MTR: variants seen among roughly 807,000 people sequenced by gnomAD.
The protein encoded by MTR is 5-methyltetrahydrofolate-homocysteine methyltransferase.
MTR carries 84 observed loss-of-function variants against 154.8 expected under a neutral mutation model. That is an observed-to-expected ratio of 0.54 (90% CI 0.45 to 0.65). MTR has a LOEUF of 0.65. Among genes scored for constraint, MTR ranks in the 30% least tolerant of loss-of-function variants. MTR has a pLI of 0.00. For missense variants in MTR, 1,275 were observed against 1,570.2 expected (o/e 0.81, Z 3.18); for synonymous variants, 554 against 553.9 (o/e 1.00, Z 0.00).
chr1:236,896,992 G>A lies in MTR; in HGVS notation c.3599-14G>A. ...CTGAGTCCATAAGCATTTTCCCTGT[G>A]TTGCTCCCTCTAGGCATTAGGTTAA... On this transcript the variant is annotated splice_polypyrimidine_tract_variant and intron_variant, in intron 31 of 32. Coordinates refer to ENST00000366577, the MANE Select transcript of MTR (RefSeq NM_000254.3). 1.3e-6 allele frequency: 2 copies of A among 1,595,632 alleles called. No individual in the cohort carries two copies. Among genetic ancestry groups the A allele is most frequent in the Non-Finnish European group, 1.7e-6 (2 of 1,163,252 alleles).
chr1:236,898,333 A>G lies in MTR; in HGVS notation c.*689A>G, dbSNP rs563709069. ...TTCATATTTCCGTACCCCTGAGGAA[A>G]CAAAAAGGAAATGAGGAGAGAAAGT... On this transcript the variant is annotated 3_prime_UTR_variant, in exon 33 of 33. Coordinates refer to ENST00000366577, the MANE Select transcript of MTR (RefSeq NM_000254.3). 6.6e-6 allele frequency: 1 copy of G among 152,250 alleles called. No individual in the cohort carries two copies. The highest frequency in any genetic ancestry group is 1.9e-4 in the East Asian group (1 of 5,174). 9.4% of individuals were successfully genotyped at this position (152,250 alleles called of 1,614,324 possible).
rs760793648 is a variant in MTR, at chr1:236,895,504, C to T, written c.3552C>T (p.Thr1184=). The change falls in exon 31 of 33, where the codon ACC becomes ACT. Residue 1184 remains threonine (T), a synonymous_variant. Transcript: ENST00000366577. ...GCTACCCCAGCCAGCCCGACCACAC[C>T]GAGAAGCTCACCATGTGGAGACTCG... The part of the protein sequence containing the change: ...APGYPSQPDH[T]EKLTMWRLAD... 2.6e-5 allele frequency: 42 copies of T among 1,593,672 alleles called. No individual in the cohort carries two copies. Among genetic ancestry groups the T allele is most frequent in the Middle Eastern group, 1.7e-4 (1 of 6,060 alleles).
intron 5 of MTR, among the ~76,000 whole-genome samples, chr1:236,811,016 G>A (rs532459988): frequency 1.4e-4 from 22 of 152,274 alleles, no homozygotes; most frequent in South Asian, 4.1e-4. Context: ...TGATAAAGGC[G>A]TACAAGACTG....
intron 24 of MTR, among the ~76,000 whole-genome samples, chr1:236,878,480 C>T (rs1464643433): frequency 6.6e-6 from 1 of 152,136 alleles, no homozygotes; most frequent in South Asian, 2.1e-4. Flanking sequence ...AACTGTACCC[C>T]CAAGATACTC....
chr1:236,852,443 C>A lies in MTR; in HGVS notation c.1696-78C>A, dbSNP rs529949719. The A allele has an allele frequency of 8.4e-4, 872 of 1,033,818 alleles. 12 individuals carry two copies. The South Asian group carries it at 0.011, about 13-fold the overall frequency. 64.0% of individuals were successfully genotyped at this position (1,033,818 alleles called of 1,614,324 possible). On this transcript the variant is annotated intron_variant, in intron 16 of 32. Transcript: ENST00000366577. ...TTTTTGTTTTTTTTTCTTTCCACTC[C>A]TATATAAAGCTTAAGAGATGTGATT...
intron 20 of MTR, 119 bp from the exon 21 acceptor site, chr1:236,862,117 G>A: frequency 1.2e-6 from 1 of 822,732 alleles, no homozygotes; most frequent in Non-Finnish European, 2.2e-6. Flanking sequence ...AAAGACTCCA[G>A]TGTAGCTGTC....
rs554663651 is a variant in MTR, at chr1:236,795,446, A to T, written c.-258A>T. 1 of 1,488,864 alleles carries T rather than the reference A, an allele frequency of 6.7e-7. No homozygotes were observed. Among genetic ancestry groups the T allele is most frequent in the Admixed American group, 2.0e-5 (1 of 49,428 alleles). The allele number at this position is 1,488,864 out of a possible 1,614,324, so 92.2% of individuals were successfully genotyped here. ...CGTGTCTGGCTGCTAGGCCGACACC[A>T]AGGACTGGCCGGGTACCCGGGAAGA... On this transcript the variant is annotated 5_prime_UTR_variant, in exon 1 of 33. Transcript: ENST00000366577.
chr1:236,892,895 C>T (rs181935882), intron 29 of MTR, among the ~76,000 whole-genome samples: 2 of 152,268 alleles, frequency 1.3e-5, no homozygotes, highest in African/African-American at 4.8e-5. Flanking sequence ...CATATTAGGG[C>T]ATTTAATAGA....
intron 29 of MTR, among the ~76,000 whole-genome samples, chr1:236,892,214 G>A (rs1228488508): frequency 6.6e-6 from 1 of 152,160 alleles, no homozygotes; most frequent in Non-Finnish European, 1.5e-5. Context: ...GCTCACACCT[G>A]TAATCCCAGC....
chr1:236,882,860 A>G (rs10925257), intron 25 of MTR, among the ~76,000 whole-genome samples: 32,435 of 152,216 alleles, frequency 0.21, 3,685 homozygotes, highest in South Asian at 0.32. Context: ...TTGCTAAAAC[A>G]TAAGTCAGAT....
intron 8 of MTR, among the ~76,000 whole-genome samples, chr1:236,819,482 G>T (rs1661796316): frequency 6.6e-6 from 1 of 152,098 alleles, no homozygotes; most frequent in African/African-American, 2.4e-5. Context: ...TGTACGGTGG[G>T]TTTTTTTCCC....
chr1:236,889,089 G>C, intron 27 of MTR, 92 bp from the exon 28 acceptor site: 3 of 1,482,332 alleles, frequency 2.0e-6, no homozygotes, highest in Non-Finnish European at 2.8e-6. Context: ...GGCGGAGTGT[G>C]GGAGTTGGCA....
chr1:236,829,717 T>A lies in MTR; in HGVS notation c.1075+449T>A, dbSNP rs571459372. Among the ~76,000 whole-genome samples, 5 of 152,302 alleles carry A rather than the reference T, an allele frequency of 3.3e-5. No individual in the cohort carries two copies. In the East Asian group the frequency reaches 9.6e-4, roughly 29 times the overall value. ...GTTGTAATCTTACATTTGCCACATG[T>A]TTAGGACTTTACAAAGACTTGTGGT... On this transcript the variant is annotated intron_variant, in intron 12 of 32. Coordinates refer to ENST00000366577, the MANE Select transcript of MTR (RefSeq NM_000254.3).
chr1:236,888,692 G>A (rs1376508623), intron 27 of MTR, among the ~76,000 whole-genome samples: 3 of 152,238 alleles, frequency 2.0e-5, no homozygotes, highest in African/African-American at 7.2e-5. Flanking sequence ...CTCCCCTGCA[G>A]AAAGCACAGC....
chr1:236,823,708 C>G (rs192328013), intron 8 of MTR, among the ~76,000 whole-genome samples: 1 of 146,932 alleles, frequency 6.8e-6, no homozygotes, highest in East Asian at 2.1e-4. Context: ...TCGTGGACTT[C>G]AAGAGTGGCT....
At chr1:236,800,000 G>A in intron 1 of MTR, 1 of 954,954 alleles carries the variant, frequency 1.0e-6, no homozygotes, top group Non-Finnish European at 1.2e-6. Flanking sequence ...GTGGGGCTGG[G>A]TTGTTTTGTG....
chr1:236,832,770 A>G (rs925164046), intron 13 of MTR, among the ~76,000 whole-genome samples: 1 of 152,216 alleles, frequency 6.6e-6, no homozygotes, highest in Middle Eastern at 3.2e-3. Context: ...TCCAGAAACC[A>G]GTACCAGAGC....
chr1:236,891,366 C>G, intron 29 of MTR, 37 bp downstream of exon 29: 2 of 1,590,728 alleles, frequency 1.3e-6, no homozygotes, highest in Non-Finnish European at 1.7e-6. Context: ...ACACCGCTTT[C>G]GCTTGTGAGT....
intron 24 of MTR, among the ~76,000 whole-genome samples, chr1:236,878,402 C>G (rs559771687): frequency 3.9e-5 from 6 of 152,074 alleles, no homozygotes; most frequent in Admixed American, 3.9e-4. Context: ...ATGAAAACAT[C>G]GCTGAGGGGA....
Sources: allele counts gnomAD v4.1 joint callset (sites outside exome capture counted in the v4.1 genomes callset), GRCh38; gene constraint gnomAD v4.1.1; transcripts MANE v1.5; gene names NCBI Gene and HGNC (gene_info 2026-07-23, HGNC 2026-07-21).